ADGRL3: variants seen among roughly 807,000 people sequenced by gnomAD.
ADGRL3 encodes adhesion G protein-coupled receptor L3.
Under a neutral mutation model 153.5 loss-of-function variants are expected in ADGRL3, and 62 were observed. That is an observed-to-expected ratio of 0.40 (90% CI 0.33 to 0.50). ADGRL3 has a LOEUF of 0.50. ADGRL3 is among the 20% of genes least tolerant of loss of function. ADGRL3 has a pLI of 0.47. For synonymous variants in ADGRL3, 710 were observed against 672.5 expected (o/e 1.06, Z -0.86); for missense variants, 1,641 against 1,859.4 (o/e 0.88, Z 2.16).
chr4:61,228,202 G>T (rs1221940497), intron 1 of ADGRL3, among the ~76,000 whole-genome samples: 1 of 152,126 alleles, frequency 6.6e-6, no homozygotes, highest in African/African-American at 2.4e-5. Context: ...AGTAATGACA[G>T]AATTTTGACA....
At chr4:61,755,428 T>G (rs1472195862) in intron 8 of ADGRL3, among the ~76,000 whole-genome samples, 1 of 152,236 alleles carries the variant, frequency 6.6e-6, no homozygotes, top group Non-Finnish European at 1.5e-5. Context: ...TTTTGAGAAG[T>G]GTCTGTTCAT....
At chr4:61,441,230 T>C (rs956048546) in intron 2 of ADGRL3, among the ~76,000 whole-genome samples, 1 of 152,216 alleles carries the variant, frequency 6.6e-6, no homozygotes, top group African/African-American at 2.4e-5. Context: ...TTCTTTCTAC[T>C]AATATGTACT....
At chr4:62,064,184 G>A (rs909109516) in intron 25 of ADGRL3, among the ~76,000 whole-genome samples, 13 of 152,134 alleles carry the variant, frequency 8.5e-5, no homozygotes, top group Non-Finnish European at 1.3e-4. Flanking sequence ...CTTGGGTTCC[G>A]CCTTAGTTCT....
intron 4 of ADGRL3, among the ~76,000 whole-genome samples, chr4:61,521,840 C>T (rs542285804): frequency 2.6e-5 from 4 of 151,804 alleles, no homozygotes; most frequent in Non-Finnish European, 5.9e-5. Flanking sequence ...TGAACAGAAA[C>T]CCAACTTTCT....
At chr4:61,788,397 C>T (rs2122640) in intron 8 of ADGRL3, among the ~76,000 whole-genome samples, 2 of 151,848 alleles carry the variant, frequency 1.3e-5, no homozygotes, top group Non-Finnish European at 2.9e-5. Flanking sequence ...CCCAGAACCC[C>T]GTAGCTCTGC....
intron 1 of ADGRL3, among the ~76,000 whole-genome samples, chr4:61,208,600 CT>C (rs1239557127): frequency 7.2e-5 from 11 of 151,994 alleles, no homozygotes; most frequent in Non-Finnish European, 4.4e-5. Flanking sequence ...AGATAATCGA[CT>C]TTATTTTACT....
intron 1 of ADGRL3, among the ~76,000 whole-genome samples, chr4:61,338,052 G>A (rs1181673452): frequency 1.3e-5 from 2 of 151,960 alleles, no homozygotes; most frequent in Non-Finnish European, 2.9e-5. Context: ...ATCACTTCAG[G>A]CCAGGAGTTC....
intron 4 of ADGRL3, among the ~76,000 whole-genome samples, chr4:61,560,715 C>T (rs186416534): frequency 1.5e-3 from 225 of 152,016 alleles, no homozygotes; most frequent in African/African-American, 5.1e-3. Context: ...TAACAACTTA[C>T]GGAGGTCTAT....
intron 1 of ADGRL3, among the ~76,000 whole-genome samples, chr4:61,349,722 C>T (rs1374176742): frequency 2.0e-5 from 3 of 152,082 alleles, no homozygotes; most frequent in Admixed American, 2.0e-4. Flanking sequence ...ATAAAGTAAG[C>T]ACTCAATAAC....
intron 8 of ADGRL3, among the ~76,000 whole-genome samples, chr4:61,755,892 C>T (rs1220806827): frequency 6.6e-6 from 1 of 152,100 alleles, no homozygotes; most frequent in Non-Finnish European, 1.5e-5. Flanking sequence ...TTCCCCATTT[C>T]TTGTTTTTGT....
At chr4:61,601,760 T>A (rs1450234945) in intron 5 of ADGRL3, among the ~76,000 whole-genome samples, 1 of 152,122 alleles carries the variant, frequency 6.6e-6, no homozygotes, top group African/African-American at 2.4e-5. Flanking sequence ...GACAACATAA[T>A]TGTTTTTGAA....
At chr4:61,784,122 A>T (rs1226663595) in intron 8 of ADGRL3, among the ~76,000 whole-genome samples, 1 of 152,082 alleles carries the variant, frequency 6.6e-6, no homozygotes, top group Non-Finnish European at 1.5e-5. Flanking sequence ...CTTGCTCAAT[A>T]TTTTTCATCA....
chr4:61,467,667 T>C (rs943196386), intron 2 of ADGRL3, among the ~76,000 whole-genome samples: 14 of 152,164 alleles, frequency 9.2e-5, no homozygotes, highest in African/African-American at 3.4e-4. Flanking sequence ...TGTGTGAATA[T>C]AGGTAAATCA....
At chr4:61,596,306 A>T (rs2098988870) in intron 5 of ADGRL3, among the ~76,000 whole-genome samples, 1 of 152,182 alleles carries the variant, frequency 6.6e-6, no homozygotes, top group African/African-American at 2.4e-5. Context: ...GCCTTTTGTA[A>T]TCAGACTTGA....
At chr4:61,693,644 G>A (rs2095580344) in intron 6 of ADGRL3, among the ~76,000 whole-genome samples, 1 of 152,130 alleles carries the variant, frequency 6.6e-6, no homozygotes. Context: ...TTGATGTTTT[G>A]TGATACTTTG....
chr4:61,843,271 T>A (rs1048689064), intron 9 of ADGRL3, among the ~76,000 whole-genome samples: 1 of 152,184 alleles, frequency 6.6e-6, no homozygotes, highest in Non-Finnish European at 1.5e-5. Context: ...TAGGAGAGGC[T>A]GATAATGTCC....
intron 2 of ADGRL3, among the ~76,000 whole-genome samples, chr4:61,435,819 T>G (rs2097438377): frequency 6.6e-6 from 1 of 150,434 alleles, no homozygotes; most frequent in Non-Finnish European, 1.5e-5. Flanking sequence ...TAGACACCAT[T>G]ATTTGGTTAT....
intron 1 of ADGRL3, among the ~76,000 whole-genome samples, chr4:61,243,229 C>T (rs982797702): frequency 3.3e-5 from 5 of 152,008 alleles, no homozygotes; most frequent in African/African-American, 7.2e-5. Flanking sequence ...AGAGATCAAA[C>T]GATTTGCTTT....
chr4:61,479,618 G>A (rs986447622), intron 2 of ADGRL3, among the ~76,000 whole-genome samples: 4 of 152,120 alleles, frequency 2.6e-5, no homozygotes, highest in Non-Finnish European at 5.9e-5. Context: ...GCCCAGCGCT[G>A]AAGAAAACAC....
Sources: allele counts gnomAD v4.1 joint callset (sites outside exome capture counted in the v4.1 genomes callset), GRCh38; gene constraint gnomAD v4.1.1; transcripts MANE v1.5; gene names NCBI Gene and HGNC (gene_info 2026-07-23, HGNC 2026-07-21).